MKLN1: variants seen among roughly 807,000 people sequenced by gnomAD.
The protein encoded by MKLN1 is muskelin.
Under a neutral mutation model 99.0 loss-of-function variants are expected in MKLN1, and 18 were observed. The observed-to-expected ratio is 0.18, with a 90% CI of 0.13 to 0.27. The LOEUF (loss-of-function observed/expected upper bound fraction) is 0.27. Ranked by LOEUF, MKLN1 falls within the 10% of genes least tolerant of loss-of-function variation. MKLN1 has a pLI of 1.00. For synonymous variants in MKLN1, 288 were observed against 293.2 expected (o/e 0.98, Z 0.18); for missense variants, 621 against 875.9 (o/e 0.71, Z 3.67).
chr7:131,303,463 T>C (rs1357680440), intron 3 of MKLN1, among the ~76,000 whole-genome samples: 1 of 152,266 alleles, frequency 6.6e-6, no homozygotes, highest in African/African-American at 2.4e-5. Context: ...CTGGTATTCT[T>C]TGCTTTTTGT....
intron 1 of MKLN1, among the ~76,000 whole-genome samples, chr7:131,374,860 TATA>T (rs1307604851): frequency 1.3e-5 from 2 of 152,084 alleles, no homozygotes; most frequent in African/African-American, 4.8e-5. Context: ...TTGCATGCAA[TATA>T]ATGCATGCTA....
At chr7:131,195,801 A>G (rs921167234) in intron 2 of MKLN1, among the ~76,000 whole-genome samples, 4 of 151,662 alleles carry the variant, frequency 2.6e-5, no homozygotes, top group East Asian at 2.0e-4. Flanking sequence ...AAATACAAAA[A>G]TTAGCTCAGC....
At chr7:131,482,964 G>C (rs1797167534) in intron 17 of MKLN1, among the ~76,000 whole-genome samples, 1 of 152,230 alleles carries the variant, frequency 6.6e-6, no homozygotes, top group South Asian at 2.1e-4. Flanking sequence ...CATAGTGCTA[G>C]TGAATGGCAA....
At chr7:131,280,649 A>ATTT (rs138186803) in intron 3 of MKLN1, among the ~76,000 whole-genome samples, 1 of 147,482 alleles carries the variant, frequency 6.8e-6, no homozygotes. Context: ...TTTTCTTTTA[A>ATTT]TTTTTTTTTT....
At chr7:131,449,689 C>T (rs1485593043) in intron 12 of MKLN1, among the ~76,000 whole-genome samples, 1 of 151,752 alleles carries the variant, frequency 6.6e-6, no homozygotes, top group Non-Finnish European at 1.5e-5. Context: ...TCACTTTCTT[C>T]CTTTTCCCTC....
chr7:131,122,236 T>C (rs1330794557), intron 1 of MKLN1, among the ~76,000 whole-genome samples: 1 of 152,228 alleles, frequency 6.6e-6, no homozygotes, highest in Admixed American at 6.5e-5. Flanking sequence ...GTAGAATTTA[T>C]GCTTGGGTCT....
At chr7:131,307,227 A>G (rs1563286269) in intron 3 of MKLN1, among the ~76,000 whole-genome samples, 1 of 152,178 alleles carries the variant, frequency 6.6e-6, no homozygotes, top group Non-Finnish European at 1.5e-5. Flanking sequence ...TCCTCCGCCT[A>G]GATTTCAGAG....
At chr7:131,456,888 AC>A (rs1796357680) in intron 12 of MKLN1, among the ~76,000 whole-genome samples, 1 of 151,954 alleles carries the variant, frequency 6.6e-6, no homozygotes, top group Admixed American at 6.6e-5. Flanking sequence ...GAAAAACATT[AC>A]CTTGCATACT....
intron 2 of MKLN1, among the ~76,000 whole-genome samples, chr7:131,376,095 A>ATAT (rs1793637913): frequency 9.3e-6 from 1 of 108,064 alleles, no homozygotes; most frequent in Non-Finnish European, 1.9e-5. Context: ...AATTCATGGA[A>ATAT]ATATATATAT....
intron 6 of MKLN1, among the ~76,000 whole-genome samples, chr7:131,408,841 A>G (rs1794787458): frequency 6.6e-6 from 1 of 152,212 alleles, no homozygotes. Context: ...TATGAAATAT[A>G]TTTATTATAG....
intron 2 of MKLN1, among the ~76,000 whole-genome samples, chr7:131,376,220 A>G (rs1298133682): frequency 8.1e-5 from 12 of 147,776 alleles, no homozygotes; most frequent in Non-Finnish European, 1.8e-4. Flanking sequence ...AGACATGTCT[A>G]AAGAATATAT....
At chr7:131,253,980 T>C (rs928649703) in intron 3 of MKLN1, among the ~76,000 whole-genome samples, 6 of 152,156 alleles carry the variant, frequency 3.9e-5, no homozygotes, top group African/African-American at 1.2e-4. Context: ...CCAGCAAAGA[T>C]GCTTAAATTT....
At chr7:131,486,297 C>T (rs575104155) in intron 17 of MKLN1, among the ~76,000 whole-genome samples, 5 of 151,548 alleles carry the variant, frequency 3.3e-5, no homozygotes, top group Non-Finnish European at 7.4e-5. Context: ...ACTCTAATCT[C>T]ACCGTTCAGA....
chr7:131,392,585 AGG>A (rs1794226831), intron 4 of MKLN1, among the ~76,000 whole-genome samples: 1 of 150,348 alleles, frequency 6.7e-6, no homozygotes, highest in African/African-American at 2.4e-5. Flanking sequence ...TTGAATTTTT[AGG>A]ATCTCTCAGA....
At chr7:131,383,585 A>C (rs1320069680) in intron 2 of MKLN1, among the ~76,000 whole-genome samples, 2 of 152,238 alleles carry the variant, frequency 1.3e-5, no homozygotes, top group African/African-American at 4.8e-5. Flanking sequence ...GATTTATTAC[A>C]TAACCTCAGA....
intron 3 of MKLN1, among the ~76,000 whole-genome samples, chr7:131,280,737 C>G (rs758817377): frequency 6.6e-6 from 1 of 151,964 alleles, no homozygotes; most frequent in Non-Finnish European, 1.5e-5. Flanking sequence ...CAACCTCCAC[C>G]TTCCGGGTTA....
At chr7:131,148,385 T>A (rs1795844035) in intron 2 of MKLN1, among the ~76,000 whole-genome samples, 2 of 152,150 alleles carry the variant, frequency 1.3e-5, no homozygotes, top group African/African-American at 4.8e-5. Flanking sequence ...TCAATACCTA[T>A]ATATTAACAG....
intron 3 of MKLN1, among the ~76,000 whole-genome samples, chr7:131,259,120 AAT>A (rs894341757): frequency 1.3e-5 from 2 of 151,892 alleles, no homozygotes. Flanking sequence ...TTTTTAAAAA[AAT>A]ATATATATAT....
chr7:131,427,353 C>A (rs910870714), intron 8 of MKLN1, among the ~76,000 whole-genome samples: 1 of 152,074 alleles, frequency 6.6e-6, no homozygotes, highest in Non-Finnish European at 1.5e-5. Flanking sequence ...GAATTGTAAC[C>A]CTGCATGGTG....
Sources: allele counts gnomAD v4.1 joint callset (sites outside exome capture counted in the v4.1 genomes callset), GRCh38; gene constraint gnomAD v4.1.1; transcripts MANE v1.5; gene names NCBI Gene and HGNC (gene_info 2026-07-23, HGNC 2026-07-21).